RIMS2: variants seen among roughly 807,000 people sequenced by gnomAD.
The protein encoded by RIMS2 is regulating synaptic membrane exocytosis protein 2.
RIMS2 carries 59 observed loss-of-function variants against 174.4 expected under a neutral mutation model. That is an observed-to-expected ratio of 0.34 (90% CI 0.27 to 0.42). The LOEUF is 0.42. RIMS2 is among the 10% of genes least tolerant of loss of function. The probability of loss-of-function intolerance (pLI) is 1.00; values close to 1 mark genes in which losing one functional copy is unlikely to be tolerated. For synonymous variants in RIMS2, 606 were observed against 572.5 expected, an observed-to-expected ratio of 1.06 and a Z score of -0.84; for missense variants, 1,620 against 1,666.3, an observed-to-expected ratio of 0.97 and a Z score of 0.48.
chr8:104,069,195 C>A (rs1216698561), intron 19 of RIMS2, among the ~76,000 whole-genome samples: 1 of 152,128 alleles, frequency 6.6e-6, no homozygotes, highest in Non-Finnish European at 1.5e-5. Context: ...TTTTGCCCAA[C>A]TATAGGCAAA....
At chr8:103,575,968 T>C (rs1000455443) in intron 1 of RIMS2, among the ~76,000 whole-genome samples, 1 of 152,168 alleles carries the variant, frequency 6.6e-6, no homozygotes, top group African/African-American at 2.4e-5. Context: ...TGTCCCTGCC[T>C]CAACCCAGGG....
At chr8:103,952,857 G>A (rs568685149) in intron 14 of RIMS2, among the ~76,000 whole-genome samples, 12 of 152,164 alleles carry the variant, frequency 7.9e-5, no homozygotes, top group African/African-American at 2.9e-4. Flanking sequence ...AGGAAGCTAA[G>A]AACCTTGAAA....
intron 3 of RIMS2, among the ~76,000 whole-genome samples, chr8:103,807,901 T>G (rs1396548956): frequency 6.6e-6 from 1 of 152,196 alleles, no homozygotes; most frequent in Non-Finnish European, 1.5e-5. Context: ...ATTTTTTAAG[T>G]TGATAAGATT....
chr8:103,695,961 G>A (rs1024319094), intron 1 of RIMS2, among the ~76,000 whole-genome samples: 1 of 152,078 alleles, frequency 6.6e-6, no homozygotes, highest in Non-Finnish European at 1.5e-5. Flanking sequence ...TTTGACATTT[G>A]TGCTTCCAGG....
chr8:103,687,843 T>C (rs1026143638), intron 1 of RIMS2, among the ~76,000 whole-genome samples: 1 of 151,968 alleles, frequency 6.6e-6, no homozygotes, highest in African/African-American at 2.4e-5. Context: ...ACAGGACTTC[T>C]TTCTTTTTTA....
At chr8:103,828,722 A>G (rs2098806828) in intron 3 of RIMS2, among the ~76,000 whole-genome samples, 1 of 151,788 alleles carries the variant, frequency 6.6e-6, no homozygotes, top group Admixed American at 6.6e-5. Context: ...TCTTTAATCC[A>G]TCTTAAGTTG....
At chr8:103,532,823 A>G (rs1387863283) in intron 1 of RIMS2, among the ~76,000 whole-genome samples, 1 of 152,248 alleles carries the variant, frequency 6.6e-6, no homozygotes, top group Non-Finnish European at 1.5e-5. Flanking sequence ...ATTACTAGTG[A>G]GTACATATCA....
intron 1 of RIMS2, among the ~76,000 whole-genome samples, chr8:103,532,578 G>A (rs1015964757): frequency 7.2e-5 from 11 of 152,304 alleles, no homozygotes; most frequent in Non-Finnish European, 1.0e-4. Flanking sequence ...TGGAATTGGA[G>A]CAAAGCTATG....
At chr8:104,036,784 G>T (rs1418274614) in intron 19 of RIMS2, among the ~76,000 whole-genome samples, 2 of 151,974 alleles carry the variant, frequency 1.3e-5, no homozygotes, top group Non-Finnish European at 2.9e-5. Flanking sequence ...GGCTGAGGCA[G>T]GAGAATCGCT....
At chr8:103,591,042 C>G (rs1283927215) in intron 1 of RIMS2, among the ~76,000 whole-genome samples, 2 of 150,526 alleles carry the variant, frequency 1.3e-5, no homozygotes, top group Non-Finnish European at 3.0e-5. Flanking sequence ...ATTTTATACT[C>G]CCACCAAAAA....
intron 1 of RIMS2, among the ~76,000 whole-genome samples, chr8:103,611,199 A>G (rs1209816308): frequency 6.6e-6 from 1 of 151,454 alleles, no homozygotes; most frequent in Non-Finnish European, 1.5e-5. Context: ...ACCCTTTGTC[A>G]TTTCTAATTG....
chr8:104,179,978 G>T (rs1401348325), intron 19 of RIMS2, among the ~76,000 whole-genome samples: 1 of 151,602 alleles, frequency 6.6e-6, no homozygotes, highest in Non-Finnish European at 1.5e-5. Flanking sequence ...ACTGCAATTT[G>T]CTTTCTGTTT....
At chr8:103,910,031 T>C in intron 4 of RIMS2, 1 of 664,358 alleles carries the variant, frequency 1.5e-6, no homozygotes. Context: ...GACAAAGTTC[T>C]TGAGACCAGA....
chr8:104,111,051 A>G (rs936667985), intron 19 of RIMS2, among the ~76,000 whole-genome samples: 8 of 152,122 alleles, frequency 5.3e-5, no homozygotes, highest in African/African-American at 1.9e-4. Flanking sequence ...GGTACAAAAT[A>G]TGGGGTTGTC....
downstream of RIMS2, chr8:104,253,512 T>G (rs1200958142): frequency 6.6e-6 from 1 of 152,194 alleles, no homozygotes; most frequent in Non-Finnish European, 1.5e-5. Context: ...TGCCTATTAA[T>G]AGTTATTTGA....
At chr8:103,826,160 T>G (rs2098789608) in intron 3 of RIMS2, among the ~76,000 whole-genome samples, 2 of 152,290 alleles carry the variant, frequency 1.3e-5, no homozygotes, top group South Asian at 4.1e-4. Flanking sequence ...GTATGTTTTC[T>G]CCCATTCTGT....
chr8:103,740,050 C>A (rs534418254), intron 2 of RIMS2, among the ~76,000 whole-genome samples: 54 of 152,248 alleles, frequency 3.5e-4, no homozygotes, highest in African/African-American at 1.2e-3. Context: ...ACCCTTTGTA[C>A]TTTAATTTAG....
chr8:104,079,903 G>A (rs1277548104), intron 19 of RIMS2, among the ~76,000 whole-genome samples: 1 of 151,698 alleles, frequency 6.6e-6, no homozygotes, highest in Non-Finnish European at 1.5e-5. Flanking sequence ...TGGATGCTGA[G>A]AGAAGTAGGA....
chr8:103,877,866 C>T (rs2099148707), intron 3 of RIMS2, among the ~76,000 whole-genome samples: 1 of 151,838 alleles, frequency 6.6e-6, no homozygotes. Flanking sequence ...AATCCATGAG[C>T]ATGGGATGTT....
Sources: gnomAD v4.1 joint callset for allele counts (sites outside exome capture counted in the v4.1 genomes callset) on GRCh38, gnomAD v4.1.1 for gene constraint, MANE v1.5 for transcripts, NCBI Gene and HGNC (gene_info 2026-07-23, HGNC 2026-07-21) for gene names.